The following ACSBG2 variants were observed in gnomAD, a reference collection of about 807,000 sequenced individuals.
ACSBG2 encodes the protein acyl-CoA synthetase bubblegum family member 2.
In ACSBG2, 62 loss-of-function variants were observed where a neutral mutation model predicts 74.7. That is an observed-to-expected ratio of 0.83 (90% CI 0.68 to 1.03). The LOEUF (loss-of-function observed/expected upper bound fraction) is 1.03, where lower values mean the gene tolerates loss of function less well. Among genes scored for constraint, ACSBG2 ranks in the 50% least tolerant of loss-of-function variants. ACSBG2 has a pLI of 0.00. For missense variants in ACSBG2, 730 were observed against 817.6 expected, an observed-to-expected ratio of 0.89 and a Z score of 1.31; for synonymous variants, 309 against 294.1, an observed-to-expected ratio of 1.05 and a Z score of -0.52.
At chr19:6,143,257 C>T (rs1180091474) in intron 2 of ACSBG2, among the ~76,000 whole-genome samples, 1 of 151,718 alleles carries the variant, frequency 6.6e-6, no homozygotes, top group African/African-American at 2.4e-5. Flanking sequence ...TCTGAAACAG[C>T]AGAAATGTAT....
chr19:6,185,272 C>T (rs2090373854), intron 10 of ACSBG2, among the ~76,000 whole-genome samples, 164 bp from the exon 11 acceptor site: 1 of 152,106 alleles, frequency 6.6e-6, no homozygotes, highest in South Asian at 2.1e-4. Flanking sequence ...ATCTGACACG[C>T]TGGATTAAAC....
chr19:6,144,948 G>A lies in ACSBG2; in HGVS notation c.68-2498G>A, dbSNP rs927243536. On this transcript the variant is annotated intron_variant, in intron 2 of 14. Transcript: ENST00000588485. ...TGACCTCAAGTGATCTGCCGGCGTC[G>A]GCCTCCCAAAAGTGTTGGGATTACA... Among the ~76,000 whole-genome samples, 21 of 152,014 alleles carry A rather than the reference G, an allele frequency of 1.4e-4. No individual in the cohort carries two copies. The East Asian group carries it at 2.1e-3, about 16-fold the overall frequency.
rs1441190771 is a variant in ACSBG2, at chr19:6,156,422, T to C, written c.387-9T>C. 23 of 1,587,564 alleles carry C rather than the reference T, an allele frequency of 1.4e-5. No homozygotes were observed. The highest frequency in any genetic ancestry group is 4.1e-5 in the African/African-American group (3 of 73,292). On this transcript the variant is annotated splice_polypyrimidine_tract_variant and intron_variant, in intron 4 of 14. Transcript: ENST00000588485. ...TGGATGCACACACGAATTTGTTTTC[T>C]TTTCCCAGGGGTCTTTGTGTTGGTA...
Position 6,152,279 on chromosome 19 carries a change from A to ATT in ACSBG2, c.386+505_386+506dup, listed in dbSNP as rs71172791. Among the ~76,000 whole-genome samples the ATT allele has an allele frequency of 2.8e-3, 191 of 68,444 alleles. 13 individuals carry two copies. Among genetic ancestry groups the ATT allele is most frequent in the Middle Eastern group, 7.0e-3 (1 of 142 alleles). The allele number at this position is 68,444 out of a possible 152,430, so 44.9% of individuals were successfully genotyped here. A position where few individuals can be genotyped will look rare whatever the true frequency, so the allele number is the denominator to read the frequency against. On this transcript the variant is annotated intron_variant, in intron 4 of 14. Coordinates refer to ENST00000588485, the MANE Select transcript of ACSBG2 (RefSeq NM_030924.5). Reference sequence around the variant, plus strand: ...GAGCACACACCACCACACCCAGCTAATTTTTTTTTTTTTTTTTTTTTTGAG... The same window carrying ATT: ...GAGCACACACCACCACACCCAGCTAATTTTTTTTTTTTTTTTTTTTTTTTGAG...
chr19:6,161,178 TGG>T, intron 5 of ACSBG2, 35 bp from the exon 6 acceptor site: 2 of 1,570,436 alleles, frequency 1.3e-6, no homozygotes, highest in Non-Finnish European at 1.8e-6. Flanking sequence ...TTCCCAGGGC[TGG>T]GTTGCCATGA....
chr19:6,153,789 A>C (rs184052494), intron 4 of ACSBG2, among the ~76,000 whole-genome samples: 1 of 152,222 alleles, frequency 6.6e-6, no homozygotes, highest in East Asian at 1.9e-4. Flanking sequence ...TTGAGACTGC[A>C]GTGAATTATG....
chr19:6,187,717 ACCCCC>A lies in ACSBG2; in HGVS notation c.1800_1804del (p.Pro601GlyfsTer24). On this transcript the variant is annotated frameshift_variant, in exon 13 of 15. Coordinates refer to ENST00000588485, the MANE Select transcript of ACSBG2 (RefSeq NM_030924.5). LOFTEE classifies it high-confidence loss of function. ...GTGACTGAGATTGTGAAGCAGCAAGACCCCCTGGTCTACAAGGCCATCCAGCAAGG... is the reference window on the plus strand; with the variant it reads ...GTGACTGAGATTGTGAAGCAGCAAGATGGTCTACAAGGCCATCCAGCAAGG... 1 of 1,613,728 alleles carries A rather than the reference ACCCCC, an allele frequency of 6.2e-7. No individual in the cohort carries two copies. Among genetic ancestry groups the A allele is most frequent in the African/African-American group, 1.3e-5 (1 of 74,864 alleles).
rs35422900 is a variant in ACSBG2, at chr19:6,166,280, T to TTGTGTGTGTGTGTGTGTGTG, written c.738+297_738+316dup. 6.9e-3 allele frequency among the ~76,000 whole-genome samples: 825 copies of TTGTGTGTGTGTGTGTGTGTG among 119,114 alleles called. 43 individuals are homozygous for TTGTGTGTGTGTGTGTGTGTG. The highest frequency in any genetic ancestry group is 0.023 in the African/African-American group (617 of 26,550). The allele number at this position is 119,114 out of a possible 152,430, so 78.1% of individuals were successfully genotyped here. On this transcript the variant is annotated intron_variant, in intron 7 of 14. Coordinates refer to ENST00000588485, the MANE Select transcript of ACSBG2 (RefSeq NM_030924.5). ...GATTCCTCTGTGTGAGTCAGGAAGG[T>TTGTGTGTGTGTGTGTGTGTG]TGTGTGTGTGTGTGTGTGTGTGTGT...
intron 12 of ACSBG2, 41 bp from the exon 13 acceptor site, chr19:6,187,558 G>A (rs2090444041): frequency 4.3e-6 from 7 of 1,612,014 alleles, no homozygotes; most frequent in African/African-American, 1.3e-5. Context: ...GAGGGGTGCT[G>A]GTCAAGGAGC....
chr19:6,149,540 C>G (rs2089160725), intron 3 of ACSBG2, among the ~76,000 whole-genome samples: 1 of 142,184 alleles, frequency 7.0e-6, no homozygotes, highest in South Asian at 2.2e-4. Flanking sequence ...CAGAGTCTCA[C>G]TCTGTTGCCC....
At position 6,173,081 on chromosome 19, in the gene ACSBG2, G is replaced by A. The variant is rs907339227; in HGVS notation, c.739-4148G>A. Among the ~76,000 whole-genome samples the A allele has an allele frequency of 2.0e-4, 30 of 152,134 alleles. 1 individual carries two copies. The highest frequency in any genetic ancestry group is 6.8e-4 in the African/African-American group (28 of 41,424). On this transcript the variant is annotated intron_variant, in intron 7 of 14. Transcript: ENST00000588485. ...AGGCATGGGTGCTGCCCACTCCAGTGGTTTGTGCCACACCCACATTTCCTT... is the reference window on the plus strand; with the variant it reads ...AGGCATGGGTGCTGCCCACTCCAGTAGTTTGTGCCACACCCACATTTCCTT...
At chr19:6,155,922 C>CA (rs55846830) in intron 4 of ACSBG2, among the ~76,000 whole-genome samples, 83,543 of 140,324 alleles carry the variant, frequency 0.6, 24,781 homozygotes, top group Admixed American at 0.7. Context: ...AATAAAAAGG[C>CA]AAAAAAAAAA....
intron 8 of ACSBG2, 42 bp from the exon 9 acceptor site, chr19:6,182,709 C>T (rs1017473254): frequency 1.2e-5 from 19 of 1,588,712 alleles, no homozygotes; most frequent in East Asian, 4.5e-5. Flanking sequence ...CCCTGGTGCA[C>T]GGAAGGCCCT....
At chr19:6,171,273 T>G (rs1011909717) in intron 7 of ACSBG2, among the ~76,000 whole-genome samples, 2 of 152,184 alleles carry the variant, frequency 1.3e-5, no homozygotes, top group African/African-American at 4.8e-5. Flanking sequence ...CATGTGTTTT[T>G]GCTTTGTATT....
intron 1 of ACSBG2, among the ~76,000 whole-genome samples, chr19:6,140,367 G>A (rs115983729): frequency 6.0e-4 from 91 of 152,162 alleles, no homozygotes; most frequent in African/African-American, 1.8e-3. Context: ...AATCCTGTCC[G>A]CTACTGATGG....
chr19:6,185,087 TTTTA>T (rs1417534937), intron 10 of ACSBG2, among the ~76,000 whole-genome samples: 2 of 151,960 alleles, frequency 1.3e-5, no homozygotes, highest in Middle Eastern at 3.4e-3. Context: ...CATGCCCAAC[TTTTA>T]TTTTTTATTA....
intron 13 of ACSBG2, among the ~76,000 whole-genome samples, chr19:6,189,523 T>C (rs2090501176): frequency 6.6e-6 from 1 of 150,520 alleles, no homozygotes. Context: ...TCCCACTGAG[T>C]CTTGTTTTTT....
At chr19:6,190,438 G>A (rs1369085314) in intron 13 of ACSBG2, 146 bp from the exon 14 acceptor site, 1 of 643,564 alleles carries the variant, frequency 1.6e-6, no homozygotes, top group Admixed American at 2.5e-5. Flanking sequence ...CCATACAGAT[G>A]GCAAAAGTTA....
chr19:6,177,875 AGT>A (rs3036311), intron 8 of ACSBG2, among the ~76,000 whole-genome samples: 13,039 of 143,306 alleles, frequency 0.091, 589 homozygotes, highest in Middle Eastern at 0.11. Context: ...GAAAGTAAAG[AGT>A]GTGTGTGTGT....
Sources: allele counts gnomAD v4.1 joint callset (sites outside exome capture counted in the v4.1 genomes callset), GRCh38; gene constraint gnomAD v4.1.1; transcripts MANE v1.5; gene names NCBI Gene and HGNC (gene_info 2026-07-23, HGNC 2026-07-21).